The following DEPTOR variants were observed in gnomAD, a reference collection of about 807,000 sequenced individuals.
DEPTOR encodes DEP domain-containing mTOR-interacting protein.
DEPTOR carries 41 observed loss-of-function variants against 41.6 expected under a neutral mutation model. The observed-to-expected ratio is 0.98, with a 90% CI of 0.77 to 1.28. The LOEUF (loss-of-function observed/expected upper bound fraction) is 1.28. Among genes scored for constraint, DEPTOR ranks in the 50% most tolerant of loss-of-function variants. The pLI is 0.00. For synonymous variants in DEPTOR, 195 were observed against 192.3 expected (o/e 1.01, Z -0.12); for missense variants, 514 against 527.9 (o/e 0.97, Z 0.26).
intron 8 of DEPTOR, among the ~76,000 whole-genome samples, chr8:120,034,437 C>CTTTTTTTTTTT (rs1563598678): frequency 7.7e-6 from 1 of 129,402 alleles, no homozygotes; most frequent in African/African-American, 3.0e-5. Context: ...CTTTTTTTTC[C>CTTTTTTTTTTT]TTTTTCTTTT....
intron 8 of DEPTOR, among the ~76,000 whole-genome samples, chr8:120,046,886 G>C (rs1356459007): frequency 6.6e-6 from 1 of 152,216 alleles, no homozygotes; most frequent in Non-Finnish European, 1.5e-5. Context: ...AAGATAGGAA[G>C]CCGTAAGGAC....
intron 8 of DEPTOR, among the ~76,000 whole-genome samples, chr8:120,043,136 T>G (rs1205687898): frequency 6.6e-6 from 1 of 152,036 alleles, no homozygotes; most frequent in African/African-American, 2.4e-5. Flanking sequence ...GGTGTTTGGT[T>G]ACATAAGTAA....
chr8:120,004,351 A>G (rs1411255257), intron 6 of DEPTOR, among the ~76,000 whole-genome samples: 1 of 152,170 alleles, frequency 6.6e-6, no homozygotes, highest in Admixed American at 6.5e-5. Context: ...CTGGCTGAAG[A>G]GTCGTTGAGT....
chr8:119,965,457 C>T (rs761738188), intron 4 of DEPTOR, 47 bp downstream of exon 4: 1 of 1,589,664 alleles, frequency 6.3e-7, no homozygotes, highest in Non-Finnish European at 8.6e-7. Context: ...CAGCCAGCCC[C>T]AAATCTTGTG....
At chr8:119,949,928 C>T (rs1828331764) in intron 3 of DEPTOR, among the ~76,000 whole-genome samples, 1 of 152,172 alleles carries the variant, frequency 6.6e-6, no homozygotes, top group Non-Finnish European at 1.5e-5. Context: ...GATCCACCCA[C>T]CTCAGCCTCC....
At chr8:119,892,436 T>C (rs10094455) in intron 1 of DEPTOR, among the ~76,000 whole-genome samples, 75,673 of 152,146 alleles carry the variant, frequency 0.5, 20,487 homozygotes, top group East Asian at 0.92. Context: ...TTACCATAAA[T>C]ATAAGTAATA....
intron 4 of DEPTOR, among the ~76,000 whole-genome samples, chr8:119,987,636 C>T (rs191604778): frequency 6.6e-6 from 1 of 152,288 alleles, no homozygotes; most frequent in East Asian, 1.9e-4. Context: ...CCAACAGCTG[C>T]CCCTTCCCCC....
At chr8:119,958,343 G>A (rs1828445195) in intron 3 of DEPTOR, among the ~76,000 whole-genome samples, 1 of 152,106 alleles carries the variant, frequency 6.6e-6, no homozygotes, top group Non-Finnish European at 1.5e-5. Flanking sequence ...CCCCTTTCAT[G>A]GTGATTTCAG....
intron 4 of DEPTOR, 63 bp downstream of exon 4, chr8:119,965,473 C>A: frequency 2.6e-6 from 4 of 1,558,786 alleles, no homozygotes; most frequent in Non-Finnish European, 2.6e-6. Flanking sequence ...TTGTGTCTTA[C>A]AACAACACGT....
intron 8 of DEPTOR, among the ~76,000 whole-genome samples, chr8:120,045,633 C>T (rs1424106284): frequency 6.6e-6 from 1 of 152,148 alleles, no homozygotes; most frequent in East Asian, 1.9e-4. Context: ...CCTTGGCCTC[C>T]CAAAGTGCTA....
At chr8:119,889,576 C>T (rs1003102420) in intron 1 of DEPTOR, among the ~76,000 whole-genome samples, 1 of 40,976 alleles carries the variant, frequency 2.4e-5, no homozygotes. Flanking sequence ...GGAGAGGAGA[C>T]GGGAGGGGAG....
intron 1 of DEPTOR, among the ~76,000 whole-genome samples, chr8:119,879,776 G>A (rs543308605): frequency 4.5e-4 from 68 of 149,884 alleles, no homozygotes; most frequent in East Asian, 1.6e-3. Context: ...TTGGGAGGCC[G>A]AGGTGGGTGG....
chr8:119,886,484 C>CACAT lies in DEPTOR; in HGVS notation c.122+12519_122+12520insTACA, dbSNP rs1325509216. 4.6e-5 allele frequency among the ~76,000 whole-genome samples: 7 copies of CACAT among 151,794 alleles called. No homozygotes were observed. In the South Asian group the frequency reaches 1.5e-3, roughly 32 times the overall value. On this transcript the variant is annotated intron_variant, in intron 1 of 8. Coordinates refer to ENST00000286234, the MANE Select transcript of DEPTOR (RefSeq NM_022783.4). The stretch of plus-strand genomic sequence containing the variant: ...ACACACACACATACACATACACATA[C>CACAT]ACACACAGACACACACATATACACA...
intron 3 of DEPTOR, among the ~76,000 whole-genome samples, chr8:119,947,761 A>G (rs1025639975): frequency 6.6e-6 from 1 of 152,176 alleles, no homozygotes; most frequent in Non-Finnish European, 1.5e-5. Context: ...TAATCACAGT[A>G]CAAAAGGATC....
chr8:119,915,920 T>C (rs1383352364), intron 1 of DEPTOR, among the ~76,000 whole-genome samples: 1 of 150,002 alleles, frequency 6.7e-6, no homozygotes, highest in East Asian at 2.0e-4. Context: ...CAATCAATTT[T>C]TCCTTGATTC....
intron 8 of DEPTOR, among the ~76,000 whole-genome samples, chr8:120,042,161 C>A (rs1307865480): frequency 1.3e-5 from 2 of 151,742 alleles, no homozygotes; most frequent in African/African-American, 4.8e-5. Flanking sequence ...GCATCTAAGT[C>A]ACCCCACCTC....
intron 1 of DEPTOR, among the ~76,000 whole-genome samples, chr8:119,875,036 T>C (rs761717886): frequency 3.9e-4 from 60 of 152,188 alleles, no homozygotes; most frequent in Middle Eastern, 6.8e-3. Flanking sequence ...GAGACCAATA[T>C]TGGAAGTCAG....
chr8:119,895,799 G>T (rs143544698), intron 1 of DEPTOR, among the ~76,000 whole-genome samples: 93 of 152,112 alleles, frequency 6.1e-4, no homozygotes, highest in Non-Finnish European at 9.9e-4. Context: ...TATATCCAGG[G>T]GTTCCTGCTT....
chr8:119,882,111 G>A (rs1192345711), intron 1 of DEPTOR, among the ~76,000 whole-genome samples: 1 of 151,954 alleles, frequency 6.6e-6, no homozygotes, highest in Admixed American at 6.6e-5. Context: ...GGCTTGTCTC[G>A]AACTCCTGAC....
Sources: allele counts gnomAD v4.1 joint callset (sites outside exome capture counted in the v4.1 genomes callset), GRCh38; gene constraint gnomAD v4.1.1; transcripts MANE v1.5; gene names NCBI Gene and HGNC (gene_info 2026-07-23, HGNC 2026-07-21).